PRRC2B: variants seen among roughly 807,000 people sequenced by gnomAD.
The protein encoded by PRRC2B is protein PRRC2B.
Under a neutral mutation model 242.3 loss-of-function variants are expected in PRRC2B, and 68 were observed. That is an observed-to-expected ratio of 0.28 (90% CI 0.23 to 0.34). The LOEUF is 0.34. Ranked by LOEUF, PRRC2B falls within the 10% of genes least tolerant of loss-of-function variation. The pLI is 1.00. For synonymous variants in PRRC2B, 1,228 were observed against 1,173.6 expected, an observed-to-expected ratio of 1.05 and a Z score of -0.95; for missense variants, 2,835 against 2,954.8, an observed-to-expected ratio of 0.96 and a Z score of 0.94.
chr9:131,485,578 G>A (rs762337080), intron 25 of PRRC2B: 1 of 528,496 alleles, frequency 1.9e-6, no homozygotes, highest in Non-Finnish European at 3.7e-6. Flanking sequence ...GTCACTGGCA[G>A]CTACTTTTGT....
At chr9:131,457,140 A>G (rs1943105460) in intron 10 of PRRC2B, among the ~76,000 whole-genome samples, 1 of 152,082 alleles carries the variant, frequency 6.6e-6, no homozygotes, top group Non-Finnish European at 1.5e-5. Context: ...AATCTTTGCT[A>G]CTCTTTTTCT....
chr9:131,473,453 A>T, intron 14 of PRRC2B, 55 bp from the exon 15 acceptor site: 1 of 1,390,798 alleles, frequency 7.2e-7, no homozygotes. Flanking sequence ...TGACCCTGAG[A>T]TTGGAGCAGG....
chr9:131,439,523 C>T (rs1193310063), intron 5 of PRRC2B, among the ~76,000 whole-genome samples: 1 of 152,194 alleles, frequency 6.6e-6, no homozygotes, highest in Non-Finnish European at 1.5e-5. Flanking sequence ...CTGCTTCCTG[C>T]ACTACCCCTG....
chr9:131,479,862 A>G (rs1943808003), intron 19 of PRRC2B, among the ~76,000 whole-genome samples: 1 of 152,124 alleles, frequency 6.6e-6, no homozygotes, highest in Non-Finnish European at 1.5e-5. Flanking sequence ...TGGAAAGGCA[A>G]ACTGAGACCA....
chr9:131,423,354 C>T (rs1252394025), intron 1 of PRRC2B, among the ~76,000 whole-genome samples: 1 of 152,198 alleles, frequency 6.6e-6, no homozygotes, highest in South Asian at 2.1e-4. Context: ...TTCTCCCTGC[C>T]TCCGGATAGG....
upstream of PRRC2B, among the ~76,000 whole-genome samples, chr9:131,393,779 T>C (rs889796399): frequency 2.8e-4 from 42 of 148,034 alleles, no homozygotes; most frequent in Non-Finnish European, 4.5e-4. Context: ...TCTTGGCTCC[T>C]GGCCCCTCCT....
intron 1 of PRRC2B, among the ~76,000 whole-genome samples, chr9:131,426,150 C>T (rs1486750429): frequency 6.6e-6 from 1 of 151,836 alleles, no homozygotes; most frequent in Non-Finnish European, 1.5e-5. Context: ...CCAGCCTGGG[C>T]AACATGATGA....
chr9:131,410,922 TC>T (rs1364931780), intron 1 of PRRC2B, among the ~76,000 whole-genome samples: 7 of 152,192 alleles, frequency 4.6e-5, no homozygotes, highest in African/African-American at 9.7e-5. Flanking sequence ...TCATTTTTTT[TC>T]GTTAGGAATT....
chr9:131,423,174 G>T (rs1316419400), intron 1 of PRRC2B, among the ~76,000 whole-genome samples: 1 of 152,212 alleles, frequency 6.6e-6, no homozygotes, highest in African/African-American at 2.4e-5. Flanking sequence ...GTGGCCATAA[G>T]CCAGGTTTGA....
At chr9:131,430,798 A>G (rs893340731) in intron 2 of PRRC2B, among the ~76,000 whole-genome samples, 14 of 150,646 alleles carry the variant, frequency 9.3e-5, no homozygotes, top group African/African-American at 3.4e-4. Context: ...TCCCCATGTT[A>G]GTGAGGCTGG....
intron 1 of PRRC2B, among the ~76,000 whole-genome samples, chr9:131,398,595 T>C (rs1837133658): frequency 6.6e-6 from 1 of 152,188 alleles, no homozygotes. Context: ...GCAGCAGCAG[T>C]ATTTATTGCA....
At chr9:131,483,077 C>T (rs1943916831) in intron 22 of PRRC2B, among the ~76,000 whole-genome samples, 170 bp downstream of exon 22, 1 of 152,112 alleles carries the variant, frequency 6.6e-6, no homozygotes, top group Non-Finnish European at 1.5e-5. Flanking sequence ...GGCCAGTGCT[C>T]TGTTGAGTTG....
chr9:131,417,240 C>A (rs891403711), intron 1 of PRRC2B, among the ~76,000 whole-genome samples: 1 of 152,108 alleles, frequency 6.6e-6, no homozygotes, highest in African/African-American at 2.4e-5. Context: ...CTGCTGCCCT[C>A]CTGTGAGGAG....
rs199886335 is a variant in PRRC2B at position 131,495,923 on chromosome 9, A to T, written c.*49A>T. ...TCTCCCTACTGAGGACGGTGCCGCC[A>T]TGCGGCCTCGACACAGCCGACACTC... is the stretch of plus-strand genomic sequence containing the variant. On this transcript the variant is annotated 3_prime_UTR_variant, in exon 32 of 32. Coordinates refer to ENST00000683519, the MANE Select transcript of PRRC2B (RefSeq NM_013318.4). 1 of 1,579,508 alleles carries T rather than the reference A, an allele frequency of 6.3e-7. No homozygotes were observed. Among genetic ancestry groups the T allele is most frequent in the South Asian group, 1.1e-5 (1 of 90,392 alleles).
Position 131,482,564 on chromosome 9 carries a change from T to TAA in PRRC2B, c.5175+3_5175+4dup. ...GCTCCAAAGCCATCTGAGCAGAAGG[T>TAA]AACCTGGACGTTCCAGTCACAGTGG... On this transcript the variant is annotated splice_region_variant and intron_variant, in intron 21 of 31. Transcript: ENST00000683519. This position sits in a 1 kb window ranked among gnomAD's most constrained non-coding sequence, Gnocchi z 5.2. The TAA allele has an allele frequency of 6.3e-7, 1 of 1,583,940 alleles. No homozygotes were observed. The highest frequency in any genetic ancestry group is 8.6e-7 in the Non-Finnish European group (1 of 1,161,902).
upstream of PRRC2B, among the ~76,000 whole-genome samples, chr9:131,393,196 TTAAG>T (rs2131271341): frequency 6.6e-6 from 1 of 152,244 alleles, no homozygotes; most frequent in Admixed American, 6.5e-5. Flanking sequence ...TGGGTTAGGA[TTAAG>T]TGAGACAAAC....
At chr9:131,420,493 C>CTTTCTTTCTTTCTTTCTCTTTTTT in intron 1 of PRRC2B, among the ~76,000 whole-genome samples, 1 of 30,164 alleles carries the variant, frequency 3.3e-5, no homozygotes, top group Non-Finnish European at 6.4e-5. Flanking sequence ...TTCTTTCTTT[C>CTTTCTTTCTTTCTTTCTCTTTTTT]TTTTTTTTTT....
At position 131,487,866 on chromosome 9, in the gene PRRC2B, T is replaced by A; in HGVS notation, c.5995T>A (p.Tyr1999Asn). The part of the protein sequence containing the change: ...SSLQPFRSQV[Y>N]MHPSLSPPST... ...GTCTGGCTTTTGCAGATCTCAGGTG[T>A]ACATGCACCCCAGCCTGTCACCGCC... Residue 1999 changes from tyrosine (Y) to asparagine (N), a missense_variant, in exon 28 of 32, where the codon TAC becomes AAC. Tyr to Asn is a moderately radical substitution (Grantham distance 143). Coordinates refer to ENST00000683519, the MANE Select transcript of PRRC2B (RefSeq NM_013318.4). The surrounding 1 kb of genome is among the most constrained non-coding windows in gnomAD (Gnocchi z 5.3). 1.2e-6 allele frequency: 2 copies of A among 1,610,564 alleles called. No individual in the cohort carries two copies. Among genetic ancestry groups the A allele is most frequent in the Non-Finnish European group, 1.7e-6 (2 of 1,177,202 alleles).
intron 1 of PRRC2B, among the ~76,000 whole-genome samples, chr9:131,415,151 G>A (rs776785558): frequency 4.0e-5 from 6 of 151,706 alleles, no homozygotes; most frequent in African/African-American, 7.3e-5. Flanking sequence ...GCGCCATCAC[G>A]CCCAGCTAAT....
Sources: gnomAD v4.1 joint callset for allele counts (sites outside exome capture counted in the v4.1 genomes callset) on GRCh38, gnomAD v4.1.1 for gene constraint, Gnocchi (gnomAD v3.1) non-coding constraint, MANE v1.5 for transcripts, NCBI Gene and HGNC (gene_info 2026-07-23, HGNC 2026-07-21) for gene names.